ACADM: variants seen among roughly 807,000 people sequenced by gnomAD.
ACADM encodes acyl-CoA dehydrogenase medium chain.
In ACADM, 49 loss-of-function variants were observed where a neutral mutation model predicts 58.9. The observed-to-expected ratio is 0.83, with a 90% CI of 0.66 to 1.06. The LOEUF (loss-of-function observed/expected upper bound fraction) is 1.06, where lower values mean the gene tolerates loss of function less well. ACADM is among the 50% of genes least tolerant of loss of function. The probability of loss-of-function intolerance (pLI) is 0.00; values close to 1 mark genes in which losing one functional copy is unlikely to be tolerated. For missense variants in ACADM, 496 were observed against 507.0 expected, an observed-to-expected ratio of 0.98 and a Z score of 0.21; for synonymous variants, 160 against 157.7, an observed-to-expected ratio of 1.01 and a Z score of -0.11.
intron 7 of ACADM, among the ~76,000 whole-genome samples, chr1:75,741,141 C>CT (rs1345549175): frequency 3.9e-5 from 6 of 152,136 alleles, no homozygotes; most frequent in Non-Finnish European, 8.8e-5. Flanking sequence ...TCTAGAATAA[C>CT]TTTTTATTGA....
intron 7 of ACADM, chr1:75,743,763 CA>C: frequency 6.4e-7 from 1 of 1,553,036 alleles, no homozygotes; most frequent in Non-Finnish European, 8.9e-7. Context: ...CTGCATAATT[CA>C]TAGCTTCCAC....
chr1:75,749,587 T>C, intron 9 of ACADM, 28 bp downstream of exon 9: 2 of 1,591,308 alleles, frequency 1.3e-6, no homozygotes, highest in African/African-American at 1.3e-5. Context: ...ATAATCTTTA[T>C]AGGATCTTTT....
At chr1:75,734,934 C>G in intron 6 of ACADM, 63 bp downstream of exon 6, 2 of 1,226,514 alleles carry the variant, frequency 1.6e-6, no homozygotes, top group South Asian at 2.5e-5. Context: ...GCTATTTCTC[C>G]TTTTCAGTCT....
rs560457093 is a variant in ACADM, at chr1:75,761,957, T to C, written c.1194+587T>C. On this transcript the variant is annotated intron_variant, in intron 11 of 11. Transcript: ENST00000370841. ...CCCTACACCTAGCAAATTATTTGAC[T>C]CATCCAGTCATTGGAAATACTGAGT... is the stretch of plus-strand genomic sequence containing the variant. 2.0e-5 allele frequency among the ~76,000 whole-genome samples: 3 copies of C among 152,324 alleles called. No homozygotes were observed. The South Asian group carries it at 6.2e-4, about 32-fold the overall frequency.
intron 1 of ACADM, 70 bp from the exon 2 acceptor site, chr1:75,728,331 T>A (rs1647087660): frequency 7.7e-7 from 1 of 1,291,854 alleles, no homozygotes; most frequent in African/African-American, 1.5e-5. Flanking sequence ...TCACTTATGA[T>A]TATCAGTAGT....
At chr1:75,744,375 G>T in intron 7 of ACADM, 1 of 1,556,870 alleles carries the variant, frequency 6.4e-7, no homozygotes, top group Non-Finnish European at 8.9e-7. Context: ...TGCCTCCTTC[G>T]ACTTTTCCCC....
chr1:75,731,273 C>T lies in ACADM; in HGVS notation c.119-1371C>T, dbSNP rs547126674. ...CAGTCTGGGCGACAGAGCGAGACTC[C>T]GTCTCAAAAAAAAAAAAAAAAAAAA... On this transcript the variant is annotated intron_variant, in intron 2 of 11. Transcript: ENST00000370841. Among the ~76,000 whole-genome samples, 84 of 106,114 alleles carry T rather than the reference C, an allele frequency of 7.9e-4. 1 individual carries two copies. In the East Asian group the frequency reaches 0.017, roughly 22 times the overall value. 69.6% of individuals were successfully genotyped at this position (106,114 alleles called of 152,430 possible). A position where few individuals can be genotyped will look rare whatever the true frequency, so the allele number is the denominator to read the frequency against.
At chr1:75,748,896 CAG>C (rs1648046867) in intron 8 of ACADM, among the ~76,000 whole-genome samples, 2 of 151,854 alleles carry the variant, frequency 1.3e-5, no homozygotes, top group South Asian at 2.1e-4. Flanking sequence ...CTAATTTTAA[CAG>C]AGTCAAAGGA....
intron 9 of ACADM, 126 bp from the exon 10 acceptor site, chr1:75,750,325 C>T: frequency 1.3e-6 from 1 of 788,378 alleles, no homozygotes; most frequent in Non-Finnish European, 2.2e-6. Flanking sequence ...TTCCCTGTTC[C>T]CCACCAGTTT....
chr1:75,732,883 G>A lies in ACADM; in HGVS notation c.247G>A (p.Glu83Lys). The change falls in exon 4 of 12, where the codon GAA becomes AAA. Residue 83 changes from glutamate (E) to lysine (K), a missense_variant. Physicochemically the swap from Glu to Lys is moderately conservative, Grantham distance 56. Coordinates refer to ENST00000370841, the MANE Select transcript of ACADM (RefSeq NM_000016.6). ...AGTCCCCCTAATTAGAAGAGCCTGG[G>A]AACTTGGTTTAATGAACACACACAT... ...YPVPLIRRAW[E>K]LGLMNTHIPE... The A allele has an allele frequency of 6.2e-7, 1 of 1,613,930 alleles. No individual in the cohort carries two copies. The highest frequency in any genetic ancestry group is 8.5e-7 in the Non-Finnish European group (1 of 1,179,864).
intron 10 of ACADM, among the ~76,000 whole-genome samples, chr1:75,752,555 T>C (rs1321988991): frequency 6.6e-6 from 1 of 152,246 alleles, no homozygotes; most frequent in Non-Finnish European, 1.5e-5. Flanking sequence ...GCTTTCTAGT[T>C]CTCTTATCTT....
At position 75,725,074 on chromosome 1, in the gene ACADM, T is replaced by C. The variant is rs112232200; in HGVS notation, c.30+257T>C. 2.6e-5 allele frequency among the ~76,000 whole-genome samples: 4 copies of C among 152,286 alleles called. No individual in the cohort carries two copies. The South Asian group carries it at 8.3e-4, about 32-fold the overall frequency. On this transcript the variant is annotated intron_variant, in intron 1 of 11. Coordinates refer to ENST00000370841, the MANE Select transcript of ACADM (RefSeq NM_000016.6). The stretch of plus-strand genomic sequence containing the variant: ...TCCTCTCTTTAGAATATCGTTTTTC[T>C]TTCTCTGGTAAACCCTCCAAATATT...
At chr1:75,725,749 A>G (rs1647044166) in intron 1 of ACADM, among the ~76,000 whole-genome samples, 1 of 152,256 alleles carries the variant, frequency 6.6e-6, no homozygotes, top group South Asian at 2.1e-4. Flanking sequence ...GCCCGAAGTA[A>G]TAAAACCAAT....
At chr1:75,743,637 G>T (rs1647710600) in intron 7 of ACADM, 10 of 1,528,972 alleles carry the variant, frequency 6.5e-6, no homozygotes, top group Non-Finnish European at 9.1e-6. Context: ...GGTGTTCAAA[G>T]AGTGAGCCAA....
Position 75,740,633 on chromosome 1 carries a change from T to C in ACADM, c.599+523T>C, listed in dbSNP as rs946800833. The stretch of plus-strand genomic sequence containing the variant: ...GGATCAAAAATAATTTGTATAAATA[T>C]AAAATACTAAAAAAAAACACTCGAT... On this transcript the variant is annotated intron_variant, in intron 7 of 11. Transcript: ENST00000370841. Among the ~76,000 whole-genome samples the C allele has an allele frequency of 2.0e-4, 30 of 151,968 alleles. 1 individual carries two copies. The South Asian group carries it at 4.1e-3, about 21-fold the overall frequency.
intron 10 of ACADM, among the ~76,000 whole-genome samples, chr1:75,758,681 C>T (rs981177678): frequency 6.6e-6 from 1 of 152,066 alleles, no homozygotes; most frequent in Non-Finnish European, 1.5e-5. Flanking sequence ...AAAAATGCAC[C>T]AATCAGTGCT....
intron 2 of ACADM, among the ~76,000 whole-genome samples, chr1:75,729,513 C>CTT (rs148471430): frequency 9.1e-5 from 11 of 120,704 alleles, no homozygotes; most frequent in African/African-American, 2.0e-4. Flanking sequence ...TTTCTCTTTT[C>CTT]TTTTTTTTGA....
At chr1:75,754,131 T>C (rs1011955923) in intron 10 of ACADM, among the ~76,000 whole-genome samples, 2 of 151,740 alleles carry the variant, frequency 1.3e-5, no homozygotes, top group Non-Finnish European at 2.9e-5. Flanking sequence ...TACAGTGATA[T>C]GACACTGTAA....
intron 2 of ACADM, among the ~76,000 whole-genome samples, chr1:75,730,961 A>C (rs1187450681): frequency 6.6e-6 from 1 of 152,042 alleles, no homozygotes; most frequent in African/African-American, 2.4e-5. Context: ...CTGATACTAG[A>C]ATTTCCTTAC....
Sources: gnomAD v4.1 joint callset for allele counts (sites outside exome capture counted in the v4.1 genomes callset) on GRCh38, gnomAD v4.1.1 for gene constraint, MANE v1.5 for transcripts, NCBI Gene and HGNC (gene_info 2026-07-23, HGNC 2026-07-21) for gene names.